Variants in ICAM1 observed in about 807,000 individuals in gnomAD.
The protein encoded by ICAM1 is ICAM-1.
In ICAM1, 28 loss-of-function variants were observed where a neutral mutation model predicts 42.3. The ratio of observed to expected loss-of-function variants is 0.66; its 90% confidence interval spans 0.49 to 0.91. ICAM1 has a LOEUF of 0.91. Ranked by LOEUF, ICAM1 falls within the 40% of genes least tolerant of loss-of-function variation. ICAM1 has a pLI of 0.00. For synonymous variants in ICAM1, 304 were observed against 305.9 expected (o/e 0.99, Z 0.07); for missense variants, 637 against 688.6 (o/e 0.93, Z 0.84).
At chr19:10,283,354 G>A (rs2040074550) in intron 2 of ICAM1, 127 bp from the exon 3 acceptor site, 1 of 868,088 alleles carries the variant, frequency 1.2e-6, no homozygotes, top group African/African-American at 1.7e-5. Context: ...ATTCCTATCT[G>A]CTTAGGTGTC....
chr19:10,284,181 A>G lies in ICAM1; in HGVS notation c.786A>G (p.Thr262=), dbSNP rs1169595589. ...TGGGGGACCAGAGGTTGAACCCCAC[A>G]GTCACCTATGGCAACGACTCCTTCT... ...LALGDQRLNP[T]VTYGNDSFSA... is the part of the protein sequence containing the mutation. The change falls in exon 4 of 7, where the codon ACA becomes ACG. Residue 262 remains threonine, a synonymous_variant. Coordinates refer to ENST00000264832, the MANE Select transcript of ICAM1 (RefSeq NM_000201.3). This position sits in a 1 kb window ranked among gnomAD's most constrained non-coding sequence, Gnocchi z 5.4. The G allele has an allele frequency of 3.7e-6, 6 of 1,613,904 alleles. No homozygotes were observed. The highest frequency in any genetic ancestry group is 5.1e-6 in the Non-Finnish European group (6 of 1,180,014).
Position 10,271,175 on chromosome 19 carries a change from C to A in ICAM1, c.16C>A (p.Pro6Thr). 1 of 1,613,124 alleles carries A rather than the reference C, an allele frequency of 6.2e-7. No homozygotes were observed. Among genetic ancestry groups the A allele is most frequent in the East Asian group, 2.2e-5 (1 of 44,848 alleles). Reference protein sequence around the residue: MAPSSPRPALPALLVL... With the variant: MAPSSTRPALPALLVL... ...CAGCCTCGCTATGGCTCCCAGCAGC[C>A]CCCGGCCCGCGCTGCCCGCACTCCT... The change falls in exon 1 of 7, where the codon CCC becomes ACC. Residue 6 changes from proline (P) to threonine (T), a missense_variant. Pro to Thr is a conservative substitution (Grantham distance 38, BLOSUM62 -1). Coordinates refer to ENST00000264832, the MANE Select transcript of ICAM1 (RefSeq NM_000201.3).
chr19:10,285,000 C>T lies in ICAM1; in HGVS notation c.1398C>T (p.Val466=). The part of the protein sequence containing the change: ...LCRARSTQGE[V]TRKVTVNVLS... ...GGGCCAGGAGCACTCAAGGGGAGGTCACCCGCAAGGTGACCGTGAATGTGC... is the reference window on the plus strand; with the variant it reads ...GGGCCAGGAGCACTCAAGGGGAGGTTACCCGCAAGGTGACCGTGAATGTGC... Residue 466 remains valine, a synonymous_variant, in exon 6 of 7, where the codon GTC becomes GTT. Coordinates refer to ENST00000264832, the MANE Select transcript of ICAM1 (RefSeq NM_000201.3). The surrounding 1 kb of genome is among the most constrained non-coding windows in gnomAD (Gnocchi z 5.4). 6.2e-7 allele frequency: 1 copy of T among 1,613,108 alleles called. No homozygotes were observed. Among genetic ancestry groups the T allele is most frequent in the Non-Finnish European group, 8.5e-7 (1 of 1,179,616 alleles).
At chr19:10,281,037 C>A (rs2040052893) in intron 2 of ICAM1, among the ~76,000 whole-genome samples, 1 of 129,298 alleles carries the variant, frequency 7.7e-6, no homozygotes, top group Non-Finnish European at 1.8e-5. Flanking sequence ...CCACGCCTGG[C>A]TAATTTTTTG....
rs896764958 is a variant in ICAM1 at position 10,281,082 on chromosome 19, C to A, written c.332-2399C>A. Among the ~76,000 whole-genome samples the A allele has an allele frequency of 2.0e-5, 3 of 150,832 alleles. No individual in the cohort carries two copies. The South Asian group carries it at 6.3e-4, about 32-fold the overall frequency. On this transcript the variant is annotated intron_variant, in intron 2 of 6. Coordinates refer to ENST00000264832, the MANE Select transcript of ICAM1 (RefSeq NM_000201.3). Reference sequence around the variant, plus strand: ...TAGAGACGGGGTTTCACCGTGTTAGCCAGGATGGTCTTGATCTCCTGACCT... The same window carrying A: ...TAGAGACGGGGTTTCACCGTGTTAGACAGGATGGTCTTGATCTCCTGACCT...
rs567298512 is a variant in ICAM1 at position 10,280,858 on chromosome 19, C to T, written c.332-2623C>T. Among the ~76,000 whole-genome samples the T allele has an allele frequency of 2.0e-5, 3 of 146,704 alleles. No individual in the cohort carries two copies. The East Asian group carries it at 5.9e-4, about 29-fold the overall frequency. On this transcript the variant is annotated intron_variant, in intron 2 of 6. Transcript: ENST00000264832. ...TGCTGAGATTACAGGCATGAGCCAC[C>T]GTGCCCGGCCTTTTTTTTTTTTTTT... is the stretch of plus-strand genomic sequence containing the variant.
At position 10,271,240 on chromosome 19, in the gene ICAM1, G is replaced by A. The variant is rs1056008162; in HGVS notation, c.67+14G>A. 6.2e-7 allele frequency: 1 copy of A among 1,611,770 alleles called. No homozygotes were observed. The highest frequency in any genetic ancestry group is 1.7e-4 in the Middle Eastern group (1 of 6,034). ...CTCTGTTCCCAGGTGAGTCGGGGTG[G>A]GGATTGCCGTCGGGCCAGTTCTCCG... On this transcript the variant is annotated intron_variant, in intron 1 of 6. Transcript: ENST00000264832.
chr19:10,274,843 GCA>G lies in ICAM1; in HGVS notation c.148_149del (p.Thr50LeufsTer3), dbSNP rs750328429. ...GGAGGCTCCGTGCTGGTGACATGCA[GCA>G]CCTCCTGTGACCAGCCCAAGTTGTT... On this transcript the variant is annotated frameshift_variant, in exon 2 of 7. Coordinates refer to ENST00000264832, the MANE Select transcript of ICAM1 (RefSeq NM_000201.3). LOFTEE classifies it high-confidence loss of function. 2.5e-6 allele frequency: 4 copies of G among 1,614,208 alleles called. No homozygotes were observed. The South Asian group carries it at 4.4e-5, about 18-fold the overall frequency.
chr19:10,272,555 CTT>C (rs772057876), intron 1 of ICAM1, among the ~76,000 whole-genome samples: 1 of 108,512 alleles, frequency 9.2e-6, no homozygotes, highest in Non-Finnish European at 1.9e-5. Context: ...TCTTTCTTTT[CTT>C]TTCTTTTTTT....
rs141554198 is a variant in ICAM1 at position 10,283,779 on chromosome 19, G to T, written c.630G>T (p.Gln210His). 365 of 1,601,592 alleles carry T rather than the reference G, an allele frequency of 2.3e-4. No homozygotes were observed. The highest frequency in any genetic ancestry group is 2.6e-4 in the Non-Finnish European group (310 of 1,173,332). ...FENTSAPYQLQTFVLPATPPQ... is the reference protein window; with the variant it reads ...FENTSAPYQLHTFVLPATPPQ... ...ACACCTCGGCCCCCTACCAGCTCCAGACCTTTGGTGAGGATTGAAGAAGCC... is the reference window on the plus strand; with the variant it reads ...ACACCTCGGCCCCCTACCAGCTCCATACCTTTGGTGAGGATTGAAGAAGCC... Residue 210 changes from glutamine to histidine, a missense_variant, in exon 3 of 7, where the codon CAG (glutamine) becomes CAT (histidine). Physicochemically the swap from Gln to His is conservative, Grantham distance 24. Coordinates refer to ENST00000264832, the MANE Select transcript of ICAM1 (RefSeq NM_000201.3).
rs754492552 is a variant in ICAM1, at chr19:10,284,963, C to T, written c.1361C>T (p.Thr454Ile). 3 of 1,611,674 alleles carry T rather than the reference C, an allele frequency of 1.9e-6. No individual in the cohort carries two copies. The highest frequency in any genetic ancestry group is 1.1e-5 in the South Asian group (1 of 90,958). Residue 454 changes from threonine to isoleucine, a missense_variant, in exon 6 of 7, where the codon ACC (threonine) becomes ATC (isoleucine). Thr to Ile is a moderately conservative substitution (Grantham distance 89, BLOSUM62 -1). Coordinates refer to ENST00000264832, the MANE Select transcript of ICAM1 (RefSeq NM_000201.3). The surrounding 1 kb of genome is among the most constrained non-coding windows in gnomAD (Gnocchi z 5.4). Reference protein sequence around the residue: ...SVTVTRDLEGTYLCRARSTQG... With the variant: ...SVTVTRDLEGIYLCRARSTQG... Reference sequence around the variant, plus strand: ...ACTGTCACTCGAGATCTTGAGGGCACCTACCTCTGTCGGGCCAGGAGCACT... The same window carrying T: ...ACTGTCACTCGAGATCTTGAGGGCATCTACCTCTGTCGGGCCAGGAGCACT...
intron 1 of ICAM1, 42 bp downstream of exon 1, chr19:10,271,268 GCC>G (rs2039978171): frequency 1.9e-6 from 3 of 1,577,808 alleles, no homozygotes; most frequent in Non-Finnish European, 2.6e-6. Flanking sequence ...GTTCTCCGAA[GCC>G]CCGGGAGGAC....
intron 2 of ICAM1, among the ~76,000 whole-genome samples, chr19:10,276,370 C>A (rs958557988): frequency 6.7e-6 from 1 of 150,222 alleles, no homozygotes; most frequent in Admixed American, 6.7e-5. Flanking sequence ...ATGGTGAAAC[C>A]CCGTCTCTAC....
chr19:10,281,078 T>C (rs2040053512), intron 2 of ICAM1, among the ~76,000 whole-genome samples: 1 of 151,422 alleles, frequency 6.6e-6, no homozygotes, highest in East Asian at 1.9e-4. Context: ...TTTCACCGTG[T>C]TAGCCAGGAT....
At position 10,271,234 on chromosome 19, in the gene ICAM1, G is replaced by T. The variant is rs781116430; in HGVS notation, c.67+8G>T. On this transcript the variant is annotated splice_region_variant and intron_variant, in intron 1 of 6. Coordinates refer to ENST00000264832, the MANE Select transcript of ICAM1 (RefSeq NM_000201.3). ...TCGGGGCTCTGTTCCCAGGTGAGTC[G>T]GGGTGGGGATTGCCGTCGGGCCAGT... 2.5e-6 allele frequency: 4 copies of T among 1,612,160 alleles called. No homozygotes were observed. Among genetic ancestry groups the T allele is most frequent in the African/African-American group, 2.7e-5 (2 of 74,892 alleles).
rs1424635602 is a variant in ICAM1, at chr19:10,284,525, C to A, written c.1048C>A (p.Leu350Met). ...GCTGAATGGGGTTCCAGCCCAGCCA[C>A]TGGGCCCGAGGGCCCAGCTCCTGCT... ...VTLNGVPAQP[L>M]GPRAQLLLKA... Residue 350 changes from leucine to methionine, a missense_variant, in exon 5 of 7, where the codon CTG becomes ATG. Leu to Met is a conservative substitution (Grantham distance 15, BLOSUM62 2). Transcript: ENST00000264832. This position sits in a 1 kb window ranked among gnomAD's most constrained non-coding sequence, Gnocchi z 5.4. 1 of 1,614,042 alleles carries A rather than the reference C, an allele frequency of 6.2e-7. No homozygotes were observed. Among genetic ancestry groups the A allele is most frequent in the South Asian group, 1.1e-5 (1 of 91,086 alleles).
rs114170067 is a variant in ICAM1 at position 10,286,457 on chromosome 19, C to T, written c.*1170C>T. 7,557 of 152,640 alleles carry T rather than the reference C, an allele frequency of 0.05. 187 individuals carry two copies. Among genetic ancestry groups the T allele is most frequent in the Middle Eastern group, 0.11 (31 of 294 alleles). 9.5% of individuals were successfully genotyped at this position (152,640 alleles called of 1,614,324 possible). A position where few individuals can be genotyped will look rare whatever the true frequency, so the allele number is the denominator to read the frequency against. On this transcript the variant is annotated 3_prime_UTR_variant, in exon 7 of 7. Coordinates refer to ENST00000264832, the MANE Select transcript of ICAM1 (RefSeq NM_000201.3). ...TTCACTGCAGTCTTGACCTTTTGGG[C>T]TCAAGTGATCCTCCCACCTCAGCCT...
rs779022009 is a variant in ICAM1, at chr19:10,284,706, C to T, written c.1180+49C>T. ...GCCCCTATCCCCCAAGGCCCAATCTCCCTGAAGGTCCCATAAGGTCTTGCC... is the reference window on the plus strand; with the variant it reads ...GCCCCTATCCCCCAAGGCCCAATCTTCCTGAAGGTCCCATAAGGTCTTGCC... On this transcript the variant is annotated intron_variant, in intron 5 of 6. Coordinates refer to ENST00000264832, the MANE Select transcript of ICAM1 (RefSeq NM_000201.3). The surrounding 1 kb of genome is among the most constrained non-coding windows in gnomAD (Gnocchi z 5.4). 6.2e-7 allele frequency: 1 copy of T among 1,611,536 alleles called. No homozygotes were observed. The highest frequency in any genetic ancestry group is 1.7e-4 in the Middle Eastern group (1 of 6,054).
At position 10,274,826 on chromosome 19, in the gene ICAM1, C is replaced by T. The variant is rs745524523; in HGVS notation, c.129C>T (p.Ser43=). 8.1e-6 allele frequency: 13 copies of T among 1,614,214 alleles called. No individual in the cohort carries two copies. Among genetic ancestry groups the T allele is most frequent in the Admixed American group, 1.7e-5 (1 of 60,018 alleles). ...AAGTCATCCTGCCCCGGGGAGGCTC[C>T]GTGCTGGTGACATGCAGCACCTCCT... ...PSKVILPRGG[S]VLVTCSTSCD... Residue 43 remains serine (S), a synonymous_variant, in exon 2 of 7, where the codon TCC becomes TCT. Transcript: ENST00000264832.
Sources: allele counts gnomAD v4.1 joint callset (sites outside exome capture counted in the v4.1 genomes callset), GRCh38; gene constraint gnomAD v4.1.1; non-coding constraint Gnocchi (gnomAD v3.1); transcripts MANE v1.5; gene names NCBI Gene and HGNC (gene_info 2026-07-23, HGNC 2026-07-21).